TRIOBP: variants seen among roughly 807,000 people sequenced by gnomAD.
TRIOBP encodes TRIO and F-actin binding protein.
Under a neutral mutation model 238.8 loss-of-function variants are expected in TRIOBP, and 169 were observed. That is an observed-to-expected ratio of 0.71 (90% CI 0.62 to 0.80). TRIOBP has a LOEUF of 0.80. Among genes scored for constraint, TRIOBP ranks in the 30% least tolerant of loss-of-function variants. The pLI, the probability that TRIOBP is intolerant of heterozygous loss-of-function variation, is 0.00. For missense variants in TRIOBP, 2,838 were observed against 3,122.6 expected (o/e 0.91, Z 2.17); for synonymous variants, 1,150 against 1,274.4 (o/e 0.90, Z 2.08).
chr22:37,752,154 G>A (rs540176170), intron 12 of TRIOBP, among the ~76,000 whole-genome samples: 86 of 152,194 alleles, frequency 5.7e-4, no homozygotes, highest in African/African-American at 1.7e-3. Context: ...TGTCTGGCCC[G>A]AGACACAGAT....
rs576748777 is a variant in TRIOBP at position 37,733,705 on chromosome 22, C to T, written c.4062+293C>T. The stretch of plus-strand genomic sequence containing the variant: ...TTTTTTTTTGAGATGGAGTCTTGCA[C>T]TGTCTCCCAGGCTGGAGTGCAGTGG... On this transcript the variant is annotated intron_variant, in intron 8 of 23. Coordinates refer to ENST00000644935, the MANE Select transcript of TRIOBP (RefSeq NM_001039141.3). 2.3e-5 allele frequency among the ~76,000 whole-genome samples: 3 copies of T among 128,828 alleles called. No individual in the cohort carries two copies. In the Admixed American group the frequency reaches 2.8e-4, roughly 12 times the overall value. The allele number at this position is 128,828 out of a possible 152,430, so 84.5% of individuals were successfully genotyped here. A position where few individuals can be genotyped will look rare whatever the true frequency, so the allele number is the denominator to read the frequency against.
At chr22:37,759,742 C>T (rs911748590) in intron 17 of TRIOBP, 103 of 1,441,320 alleles carry the variant, frequency 7.1e-5, no homozygotes, top group East Asian at 2.6e-5. Flanking sequence ...GCACCGTCCG[C>T]CTAGGACAGC....
chr22:37,757,384 G>T (rs996667414), intron 15 of TRIOBP, among the ~76,000 whole-genome samples: 19 of 152,050 alleles, frequency 1.2e-4, no homozygotes, highest in Admixed American at 9.8e-4. Context: ...AAACAAGAAC[G>T]GGGGCGAGGG....
At chr22:37,702,921 G>GTGTGAGACAC (rs1300631554) in intron 3 of TRIOBP, among the ~76,000 whole-genome samples, 1 of 152,078 alleles carries the variant, frequency 6.6e-6, no homozygotes, top group African/African-American at 2.4e-5. Flanking sequence ...GGGATTACAG[G>GTGTGAGACAC]TGTGAGACAC....
chr22:37,742,257 G>GTTTTTTTT (rs762341330), intron 11 of TRIOBP, among the ~76,000 whole-genome samples: 1 of 102,770 alleles, frequency 9.7e-6, no homozygotes, highest in Admixed American at 1.1e-4. Flanking sequence ...CACGCCAGGC[G>GTTTTTTTT]TTTTTTTTTT....
rs192230230 is a variant in TRIOBP, at chr22:37,768,936, A to T, written c.6576-92A>T. On this transcript the variant is annotated intron_variant, in intron 19 of 23. Transcript: ENST00000644935. ...GGCAAACCTAGAGAGGGAACCCCAG[A>T]GTCCTGGGATGCTTTAAGTCTACCT... 2.0e-4 allele frequency: 322 copies of T among 1,571,574 alleles called. 4 individuals are homozygous for T. The East Asian group carries it at 6.9e-3, about 34-fold the overall frequency.
chr22:37,726,377 C>G lies in TRIOBP; in HGVS notation c.3821C>G (p.Ala1274Gly), dbSNP rs987394324. The G allele has an allele frequency of 1.9e-6, 3 of 1,591,864 alleles. No homozygotes were observed. The highest frequency in any genetic ancestry group is 1.7e-6 in the Non-Finnish European group (2 of 1,168,644). The change falls in exon 7 of 24, where the codon GCC becomes GGC. Residue 1274 changes from alanine to glycine, a missense_variant. Coordinates refer to ENST00000644935, the MANE Select transcript of TRIOBP (RefSeq NM_001039141.3). The part of the protein sequence containing the change: ...NLEREEYTVL[A>G]DLPPPRRLAQ... ...GAGCGGGAGGAGTACACTGTGCTGG[C>G]CGACCTGCCCCCACCCAGGAGGCTG...
intron 6 of TRIOBP, among the ~76,000 whole-genome samples, chr22:37,721,144 C>T (rs1427395730): frequency 1.3e-5 from 2 of 151,756 alleles, no homozygotes; most frequent in East Asian, 3.9e-4. Context: ...GCTGGGATTA[C>T]AGGCATCAGC....
Position 37,757,699 on chromosome 22 carries a change from C to T in TRIOBP, c.5774C>T (p.Ser1925Phe), listed in dbSNP as rs751568015. 1.3e-6 allele frequency: 2 copies of T among 1,584,230 alleles called. No individual in the cohort carries two copies. Among genetic ancestry groups the T allele is most frequent in the Admixed American group, 1.8e-5 (1 of 55,542 alleles). ...PLKAGEQRAG[S>F]EVISRGGPRK... ...AAGGCAGGGGAGCAGCGGGCGGGCT[C>T]TGAGGTCATCAGCCGGGGTGGCCCT... is the stretch of plus-strand genomic sequence containing the variant. The change falls in exon 16 of 24, where the codon TCT (serine) becomes TTT (phenylalanine). Residue 1925 changes from serine (S) to phenylalanine (F), a missense_variant. This residue lies in a region of TRIOBP where 2,096 missense variants were observed against 2,137.4 expected (regional missense o/e 0.98). Transcript: ENST00000644935.
At chr22:37,711,533 C>G (rs1234703446) in intron 4 of TRIOBP, among the ~76,000 whole-genome samples, 1 of 142,416 alleles carries the variant, frequency 7.0e-6, no homozygotes, top group Non-Finnish European at 1.5e-5. Context: ...GAGTTGAGAT[C>G]GTGCCATTAC....
Position 37,757,389 on chromosome 22 carries a change from C to A in TRIOBP, c.5688-224C>A, listed in dbSNP as rs893691404. ...TGAAAAACAAAAACAAGAACGGGGG[C>A]GAGGGAAGCCGGGCATCCTGGTGGG... On this transcript the variant is annotated intron_variant, in intron 15 of 23. Transcript: ENST00000644935. 2.6e-5 allele frequency among the ~76,000 whole-genome samples: 4 copies of A among 151,898 alleles called. No individual in the cohort carries two copies. The East Asian group carries it at 5.8e-4, about 22-fold the overall frequency.
rs576254539 is a variant in TRIOBP, at chr22:37,772,496, C to T, written c.6937-105C>T. 5.1e-5 allele frequency: 77 copies of T among 1,519,758 alleles called. 1 individual carries two copies. The highest frequency in any genetic ancestry group is 4.0e-4 in the Admixed American group (23 of 57,620). The allele number at this position is 1,519,758 out of a possible 1,614,324, so 94.1% of individuals were successfully genotyped here. ...TGGGGAGCCACCTGGAGGGATGAAG[C>T]GAGGTATCTGCGGGGAGGTCTGGCT... On this transcript the variant is annotated intron_variant, in intron 22 of 23. Transcript: ENST00000644935.
chr22:37,728,653 C>T lies in TRIOBP; in HGVS notation c.3947+2150C>T, dbSNP rs1924289740. Among the ~76,000 whole-genome samples the T allele has an allele frequency of 2.0e-5, 3 of 152,184 alleles. No individual in the cohort carries two copies. In the South Asian group the frequency reaches 6.2e-4, roughly 31 times the overall value. On this transcript the variant is annotated intron_variant, in intron 7 of 23. Coordinates refer to ENST00000644935, the MANE Select transcript of TRIOBP (RefSeq NM_001039141.3). ...CACAGCCTCTCCCACTACCAATATCCTGTACTAGATAGGTATGCTTGTTTC... is the reference window on the plus strand; with the variant it reads ...CACAGCCTCTCCCACTACCAATATCTTGTACTAGATAGGTATGCTTGTTTC...
At chr22:37,750,433 C>T (rs1925522187) in intron 11 of TRIOBP, among the ~76,000 whole-genome samples, 1 of 152,162 alleles carries the variant, frequency 6.6e-6, no homozygotes, top group Non-Finnish European at 1.5e-5. Flanking sequence ...TGGTCAAGCC[C>T]CCTGCAAGGC....
chr22:37,702,634 C>CTTTTTTTTTTTTTTTTTTTTTT (rs34625454), intron 3 of TRIOBP, among the ~76,000 whole-genome samples: 3 of 81,198 alleles, frequency 3.7e-5, no homozygotes, highest in African/African-American at 1.5e-4. Context: ...TTCTCTCTCT[C>CTTTTTTTTTTTTTTTTTTTTTT]TTTTTTTTTT....
chr22:37,750,737 C>T (rs1163917742), intron 11 of TRIOBP: 6 of 470,934 alleles, frequency 1.3e-5, no homozygotes, highest in Non-Finnish European at 2.2e-5. Context: ...CCCGGTTGGT[C>T]CACTTCCTAT....
chr22:37,699,831 G>A (rs1394826783), intron 2 of TRIOBP, among the ~76,000 whole-genome samples: 1 of 151,634 alleles, frequency 6.6e-6, no homozygotes, highest in Non-Finnish European at 1.5e-5. Flanking sequence ...GTGAGCCACT[G>A]CGCCTGGCCA....
intron 6 of TRIOBP, among the ~76,000 whole-genome samples, chr22:37,720,350 G>A (rs535899825): frequency 6.6e-6 from 1 of 152,096 alleles, no homozygotes; most frequent in Non-Finnish European, 1.5e-5. Context: ...AGCTACAGAC[G>A]TGATGGGATT....
At chr22:37,741,078 A>G (rs756628958) in intron 11 of TRIOBP, 46 bp downstream of exon 11, 1 of 1,541,172 alleles carries the variant, frequency 6.5e-7, no homozygotes, top group Non-Finnish European at 8.8e-7. Flanking sequence ...GTGGATAGAG[A>G]CGGGGATGGG....
Sources: gnomAD v4.1 joint callset for allele counts (sites outside exome capture counted in the v4.1 genomes callset) on GRCh38, gnomAD v4.1.1 for gene constraint, gnomAD v4.1.1 regional missense constraint, MANE v1.5 for transcripts, NCBI Gene and HGNC (gene_info 2026-07-23, HGNC 2026-07-21) for gene names.